CTNNA2: variants seen among roughly 807,000 people sequenced by gnomAD.
The protein encoded by CTNNA2 is catenin alpha-2.
In CTNNA2, 42 loss-of-function variants were observed where a neutral mutation model predicts 101.0. That is an observed-to-expected ratio of 0.42 (90% CI 0.32 to 0.54). The LOEUF (loss-of-function observed/expected upper bound fraction) is 0.54. CTNNA2 is among the 20% of genes least tolerant of loss of function. The probability of loss-of-function intolerance (pLI) is 0.14; values close to 1 mark genes in which losing one functional copy is unlikely to be tolerated. For synonymous variants in CTNNA2, 450 were observed against 456.4 expected (o/e 0.99, Z 0.18); for missense variants, 871 against 1,223.1 (o/e 0.71, Z 4.29).
At chr2:79,850,070 C>A (rs1273122393) in intron 3 of CTNNA2, among the ~76,000 whole-genome samples, 1 of 152,132 alleles carries the variant, frequency 6.6e-6, no homozygotes, top group African/African-American at 2.4e-5. Context: ...CACAAATCAT[C>A]CCTAACATGT....
chr2:79,241,992 A>G (rs55820417), intron 2 of CTNNA2, among the ~76,000 whole-genome samples: 85,954 of 151,412 alleles, frequency 0.57, 24,752 homozygotes, highest in East Asian at 0.65. Context: ...TGCAAGCTCC[A>G]CCTCCTGGGT....
chr2:80,059,231 G>C (rs1189910454), intron 7 of CTNNA2, among the ~76,000 whole-genome samples: 1 of 152,088 alleles, frequency 6.6e-6, no homozygotes, highest in Admixed American at 6.6e-5. Flanking sequence ...GCCCCGGCTG[G>C]GTTCTCCTAT....
At chr2:80,636,367 C>T (rs1672885123) in intron 18 of CTNNA2, among the ~76,000 whole-genome samples, 1 of 152,048 alleles carries the variant, frequency 6.6e-6, no homozygotes, top group South Asian at 2.1e-4. Context: ...TAGCAAAATA[C>T]AGTTAAAGAT....
intron 18 of CTNNA2, among the ~76,000 whole-genome samples, chr2:80,633,479 C>T (rs984849802): frequency 6.6e-5 from 10 of 152,288 alleles, no homozygotes; most frequent in African/African-American, 1.9e-4. Context: ...CTCATGACTG[C>T]TTCGTCACAT....
chr2:79,727,142 A>T (rs1302261005), intron 2 of CTNNA2, among the ~76,000 whole-genome samples: 1 of 152,222 alleles, frequency 6.6e-6, no homozygotes, highest in Non-Finnish European at 1.5e-5. Context: ...CACATTCTGT[A>T]TGAAAAATGT....
intron 7 of CTNNA2, among the ~76,000 whole-genome samples, chr2:80,233,559 T>C (rs959231861): frequency 4.6e-5 from 7 of 152,204 alleles, no homozygotes; most frequent in African/African-American, 1.7e-4. Context: ...CCAAATTTAA[T>C]GAAAATCCAC....
chr2:80,547,163 G>T (rs1338657758), intron 11 of CTNNA2, among the ~76,000 whole-genome samples: 1 of 152,142 alleles, frequency 6.6e-6, no homozygotes, highest in African/African-American at 2.4e-5. Context: ...ATTCCCACTG[G>T]GGCTTGTCTG....
At chr2:80,564,462 T>A (rs10185863) in intron 12 of CTNNA2, among the ~76,000 whole-genome samples, 60,969 of 151,540 alleles carry the variant, frequency 0.4, 12,613 homozygotes, top group South Asian at 0.6. Context: ...AGCAGATGGA[T>A]GCTCCCTGAT....
chr2:79,230,707 G>A (rs1674479930), intron 2 of CTNNA2, among the ~76,000 whole-genome samples: 1 of 152,186 alleles, frequency 6.6e-6, no homozygotes, highest in Middle Eastern at 3.2e-3. Flanking sequence ...GCCTGGAAAA[G>A]CCACAGGCAC....
At position 79,505,589 on chromosome 2, in the gene CTNNA2, C is replaced by T. The variant is rs956192725; in HGVS notation, c.-6+407C>T. Among the ~76,000 whole-genome samples the T allele has an allele frequency of 9.9e-5, 15 of 152,138 alleles. 1 individual carries two copies. The highest frequency in any genetic ancestry group is 4.1e-4 in the South Asian group (2 of 4,826). On this transcript the variant is annotated intron_variant, in intron 5 of 21. Coordinates refer to the CTNNA2 transcript ENST00000466387. ...AAATCTGTGACCATAGAATGAAATA[C>T]GGCAATGAGCTAAGGCCTGAATTTC...
intron 7 of CTNNA2, among the ~76,000 whole-genome samples, chr2:79,917,405 A>G (rs1223618840): frequency 1.3e-5 from 2 of 152,106 alleles, no homozygotes; most frequent in African/African-American, 4.8e-5. Context: ...TTGCTCAGAT[A>G]TTGCCAGAGT....
intron 2 of CTNNA2, among the ~76,000 whole-genome samples, chr2:79,251,264 T>G (rs905686716): frequency 1.1e-4 from 17 of 152,184 alleles, no homozygotes; most frequent in African/African-American, 3.9e-4. Context: ...GCTCTGTTAC[T>G]GATCCATGAT....
At chr2:80,562,085 A>C (rs1573277103) in intron 12 of CTNNA2, among the ~76,000 whole-genome samples, 1 of 146,658 alleles carries the variant, frequency 6.8e-6, no homozygotes, top group Non-Finnish European at 1.5e-5. Flanking sequence ...ATGTAAACAT[A>C]TCTGGAGAAG....
intron 7 of CTNNA2, among the ~76,000 whole-genome samples, chr2:80,271,566 C>T (rs960111774): frequency 7.2e-5 from 11 of 152,106 alleles, no homozygotes; most frequent in Admixed American, 1.3e-4. Flanking sequence ...GGACTACAGG[C>T]GCAAGCCACC....
intron 7 of CTNNA2, among the ~76,000 whole-genome samples, chr2:79,932,832 A>C (rs1558653264): frequency 6.6e-6 from 1 of 152,128 alleles, no homozygotes; most frequent in African/African-American, 2.4e-5. Flanking sequence ...TTTTACCACC[A>C]CACTTTGTAT....
chr2:80,374,698 T>G (rs1348290206), intron 7 of CTNNA2, among the ~76,000 whole-genome samples: 1 of 151,778 alleles, frequency 6.6e-6, no homozygotes, highest in African/African-American at 2.4e-5. Flanking sequence ...TGTGTGTGTG[T>G]GTGTGTGTGT....
intron 7 of CTNNA2, among the ~76,000 whole-genome samples, chr2:80,136,446 A>G (rs752354999): frequency 1.3e-5 from 2 of 152,170 alleles, no homozygotes; most frequent in Admixed American, 6.5e-5. Flanking sequence ...TGAATAGTCA[A>G]TGTACCCTGC....
intron 9 of CTNNA2, among the ~76,000 whole-genome samples, chr2:80,466,818 C>T (rs1395652430): frequency 6.6e-6 from 1 of 152,114 alleles, no homozygotes; most frequent in African/African-American, 2.4e-5. Context: ...TTTGGGGTTC[C>T]CCAAGGAACA....
At chr2:79,731,991 A>T (rs2104924529) in intron 2 of CTNNA2, among the ~76,000 whole-genome samples, 1 of 152,188 alleles carries the variant, frequency 6.6e-6, no homozygotes, top group Admixed American at 6.6e-5. Flanking sequence ...AACATTAAAA[A>T]AAATTTATAA....
Sources: allele counts gnomAD v4.1 joint callset (sites outside exome capture counted in the v4.1 genomes callset), GRCh38; gene constraint gnomAD v4.1.1; transcripts MANE v1.5; gene names NCBI Gene and HGNC (gene_info 2026-07-23, HGNC 2026-07-21).